The following PADI3 variants were observed in gnomAD, a reference collection of about 807,000 sequenced individuals.
PADI3 encodes peptidyl arginine deiminase 3, also known as protein-arginine deiminase type-3.
PADI3 carries 53 observed loss-of-function variants against 71.5 expected under a neutral mutation model. The ratio of observed to expected loss-of-function variants is 0.74; its 90% CI spans 0.59 to 0.93. The LOEUF is 0.93. Ranked by LOEUF, PADI3 falls within the 40% of genes least tolerant of loss-of-function variation. The pLI is 0.00. For missense variants in PADI3, 821 were observed against 868.0 expected (o/e 0.95, Z 0.68); for synonymous variants, 361 against 347.5 (o/e 1.04, Z -0.43).
rs1259204873 is a variant in PADI3, at chr1:17,270,126, G to A, written c.653-107G>A. ...TGGAGGTGAAAGGAGGGAGTTGTTGGAGGACTTGGAATTTTTGGTGAGGCT... is the reference window on the plus strand; with the variant it reads ...TGGAGGTGAAAGGAGGGAGTTGTTGAAGGACTTGGAATTTTTGGTGAGGCT... On this transcript the variant is annotated intron_variant, in intron 6 of 15. Transcript: ENST00000375460. The A allele has an allele frequency of 3.0e-6, 4 of 1,317,256 alleles. No individual in the cohort carries two copies. In the East Asian group the frequency reaches 9.6e-5, roughly 32 times the overall value. 81.6% of individuals were successfully genotyped at this position (1,317,256 alleles called of 1,614,324 possible).
At chr1:17,278,353 G>A (rs1027295954) in intron 13 of PADI3, among the ~76,000 whole-genome samples, 3 of 151,976 alleles carry the variant, frequency 2.0e-5, no homozygotes, top group African/African-American at 7.3e-5. Flanking sequence ...GCAGCCTTGC[G>A]AGTAGCTAGG....
chr1:17,265,656 C>G lies in PADI3; in HGVS notation c.347-3C>G. 5.0e-6 allele frequency: 8 copies of G among 1,614,034 alleles called. No homozygotes were observed. The highest frequency in any genetic ancestry group is 6.8e-6 in the Non-Finnish European group (8 of 1,179,896). ...GTGACTTACCCTCTGCCTCCTCTTG[C>G]AGACATCTCTCTGGATTGCGACCTG... is the stretch of plus-strand genomic sequence containing the variant. On this transcript the variant is annotated splice_region_variant and splice_polypyrimidine_tract_variant and intron_variant, in intron 3 of 15. Transcript: ENST00000375460.
intron 7 of PADI3, 41 bp downstream of exon 7, chr1:17,270,452 C>A: frequency 2.6e-6 from 4 of 1,543,750 alleles, no homozygotes; most frequent in East Asian, 2.3e-5. Flanking sequence ...CACTCGGGAC[C>A]AGCCTGGGCA....
At chr1:17,274,470 T>C (rs934373188) in intron 10 of PADI3, among the ~76,000 whole-genome samples, 165 bp from the exon 11 acceptor site, 5 of 152,172 alleles carry the variant, frequency 3.3e-5, no homozygotes, top group African/African-American at 1.2e-4. Context: ...GTGCATGAAA[T>C]ATTGACTGGG....
intron 13 of PADI3, among the ~76,000 whole-genome samples, chr1:17,279,085 G>A (rs1019366706): frequency 6.6e-6 from 1 of 152,178 alleles, no homozygotes; most frequent in Non-Finnish European, 1.5e-5. Context: ...AGAACTTATG[G>A]TGAGCAAGAC....
rs111485266 is a variant in PADI3, at chr1:17,252,388, T to G, written c.92+3159T>G. 6.8e-3 allele frequency among the ~76,000 whole-genome samples: 912 copies of G among 133,424 alleles called. 13 individuals are homozygous for G. Among genetic ancestry groups the G allele is most frequent in the African/African-American group, 0.023 (840 of 36,550 alleles). 87.5% of individuals were successfully genotyped at this position (133,424 alleles called of 152,430 possible). On this transcript the variant is annotated intron_variant, in intron 1 of 15. Transcript: ENST00000375460. ...TCTTGGTGCAGGAAGAAAGCTGCTT[T>G]CTTTTCTTCTTCTTTTTTTTTTTTT... is the stretch of plus-strand genomic sequence containing the variant.
intron 14 of PADI3, 22 bp from the exon 15 acceptor site, chr1:17,280,649 T>C: frequency 1.2e-6 from 2 of 1,613,974 alleles, no homozygotes; most frequent in Non-Finnish European, 1.7e-6. Flanking sequence ...TGTCCCCAAC[T>C]CTGGCCCTCC....
intron 3 of PADI3, among the ~76,000 whole-genome samples, chr1:17,262,675 C>G (rs762708814): frequency 6.6e-6 from 1 of 152,096 alleles, no homozygotes; most frequent in Non-Finnish European, 1.5e-5. Flanking sequence ...ACATAAAAAC[C>G]ATAGTAATAA....
In PADI3 at chr1:17,271,124, C is replaced by G. The variant is rs1211754044; in HGVS notation, c.993C>G (p.Gly331=). The G allele has an allele frequency of 1.2e-6, 2 of 1,613,932 alleles. No individual in the cohort carries two copies. The highest frequency in any genetic ancestry group is 1.7e-6 in the Non-Finnish European group (2 of 1,180,022). ...TGGCAGAGCTGGCCAGGAAGGCCGGCTGCAAGCTGACCATCTGCCCACAGG... is the reference window on the plus strand; with the variant it reads ...TGGCAGAGCTGGCCAGGAAGGCCGGGTGCAAGCTGACCATCTGCCCACAGG... ...DAVAELARKA[G]CKLTICPQAE... is the part of the protein sequence containing the mutation. The change falls in exon 9 of 16, where the codon GGC becomes GGG. Residue 331 remains glycine (G), a synonymous_variant. Transcript: ENST00000375460.
chr1:17,262,050 C>T, intron 2 of PADI3, 83 bp from the exon 3 acceptor site: 1 of 1,257,794 alleles, frequency 8.0e-7, no homozygotes, highest in Non-Finnish European at 1.2e-6. Flanking sequence ...CCCCTCCCCT[C>T]CTTACCAGAT....
At chr1:17,268,362 C>T (rs2073199603) in intron 6 of PADI3, among the ~76,000 whole-genome samples, 3 of 152,174 alleles carry the variant, frequency 2.0e-5, no homozygotes, top group Non-Finnish European at 4.4e-5. Context: ...CCATAGATTT[C>T]ACCCAATTAA....
chr1:17,270,903 A>G lies in PADI3; in HGVS notation c.856A>G (p.Thr286Ala), dbSNP rs139426141. The change falls in exon 8 of 16, where the codon ACT (threonine) becomes GCT (alanine). Residue 286 changes from threonine (T) to alanine (A), a missense_variant. By Grantham distance (58) the Thr-to-Ala change is moderately conservative. Coordinates refer to ENST00000375460, the MANE Select transcript of PADI3 (RefSeq NM_016233.2). ...NEDFSASPIF[T>A]DTVVFRVAPW... ...GGATTTCTCGGCATCCCCTATCTTC[A>G]CTGACACTGTGGTGTTCCGAGTGGC... is the stretch of plus-strand genomic sequence containing the variant. 3,186 of 1,613,840 alleles carry G rather than the reference A, an allele frequency of 2.0e-3. 52 individuals carry two copies. In the African/African-American group the frequency reaches 0.036, roughly 18 times the overall value.
chr1:17,256,551 C>G (rs922516372), intron 1 of PADI3, among the ~76,000 whole-genome samples: 1 of 125,446 alleles, frequency 8.0e-6, no homozygotes, highest in African/African-American at 2.9e-5. Flanking sequence ...GGGGATCCCC[C>G]AGCATCTCAC....
At chr1:17,266,363 C>G (rs893230219) in intron 4 of PADI3, among the ~76,000 whole-genome samples, 1 of 152,092 alleles carries the variant, frequency 6.6e-6, no homozygotes, top group East Asian at 1.9e-4. Context: ...TGAAGGGGTG[C>G]AGGAGGGAGG....
At chr1:17,267,783 G>A (rs1020639655) in intron 5 of PADI3, 54 bp from the exon 6 acceptor site, 3 of 1,596,876 alleles carry the variant, frequency 1.9e-6, no homozygotes, top group Admixed American at 3.4e-5. Context: ...AGCAGAGGAA[G>A]GGGCCAGGGG....
chr1:17,256,724 G>A (rs961437390), intron 1 of PADI3, among the ~76,000 whole-genome samples: 2 of 152,192 alleles, frequency 1.3e-5, no homozygotes, highest in Non-Finnish European at 2.9e-5. Flanking sequence ...CTTTGGGGTT[G>A]AGGGAGTTCC....
intron 1 of PADI3, among the ~76,000 whole-genome samples, chr1:17,251,574 C>G (rs1202875561): frequency 6.6e-6 from 1 of 152,240 alleles, no homozygotes; most frequent in African/African-American, 2.4e-5. Context: ...GCACTGTCAT[C>G]ATCGTCATTT....
intron 13 of PADI3, 68 bp from the exon 14 acceptor site, chr1:17,280,282 T>C: frequency 8.0e-7 from 1 of 1,256,274 alleles, no homozygotes; most frequent in South Asian, 1.2e-5. Flanking sequence ...GCCTGTCTGC[T>C]TCCCTAAGCA....
At chr1:17,254,176 C>G (rs955518364) in intron 1 of PADI3, among the ~76,000 whole-genome samples, 1 of 152,190 alleles carries the variant, frequency 6.6e-6, no homozygotes, top group African/African-American at 2.4e-5. Context: ...GAACCTGATT[C>G]TATTGATGAG....
Sources: gnomAD v4.1 joint callset for allele counts (sites outside exome capture counted in the v4.1 genomes callset) on GRCh38, gnomAD v4.1.1 for gene constraint, MANE v1.5 for transcripts, NCBI Gene and HGNC (gene_info 2026-07-23, HGNC 2026-07-21) for gene names.